Variants in TENM3 observed in about 807,000 individuals in gnomAD.
TENM3 encodes teneurin-3.
TENM3 carries 63 observed loss-of-function variants against 255.1 expected under a neutral mutation model. The ratio of observed to expected loss-of-function variants is 0.25; its 90% confidence interval spans 0.20 to 0.30. The LOEUF is 0.30. TENM3 is among the 10% of genes least tolerant of loss of function. TENM3 has a pLI of 1.00. For synonymous variants in TENM3, 1,306 were observed against 1,322.3 expected (o/e 0.99, Z 0.27); for missense variants, 2,929 against 3,461.1 (o/e 0.85, Z 3.86).
the TENM3 span, among the ~76,000 whole-genome samples, chr4:181,622,622 G>A: frequency 6.6e-6 from 1 of 152,168 alleles, no homozygotes; most frequent in Non-Finnish European, 1.5e-5. Context: ...GTTGCAGTGA[G>A]CTGAGATCGC....
At chr4:181,554,162 A>T in the TENM3 span, among the ~76,000 whole-genome samples, 2 of 152,214 alleles carry the variant, frequency 1.3e-5, no homozygotes, top group African/African-American at 4.8e-5. Context: ...GGAAAGGTAG[A>T]TGCTTTCCAT....
intron 3 of TENM3, among the ~76,000 whole-genome samples, chr4:182,594,691 TG>T (rs1299778070): frequency 7.6e-5 from 2 of 26,300 alleles, no homozygotes; most frequent in African/African-American, 1.5e-4. Flanking sequence ...TTGGTGTGTG[TG>T]TGTGTGTGTG....
the TENM3 span, among the ~76,000 whole-genome samples, chr4:181,499,421 C>A: frequency 6.6e-6 from 1 of 152,180 alleles, no homozygotes; most frequent in South Asian, 2.1e-4. Context: ...AGGGTTACAA[C>A]AGAGATTCTT....
At position 182,426,007 on chromosome 4, in the gene TENM3, C is replaced by CAAAAAAAAAAAAAAAAAAAA. The variant is rs55836889; in HGVS notation, c.511+79082_511+79101dup. Among the ~76,000 whole-genome samples, 316 of 90,696 alleles carry CAAAAAAAAAAAAAAAAAAAA rather than the reference C, an allele frequency of 3.5e-3. 7 individuals are homozygous for CAAAAAAAAAAAAAAAAAAAA. The highest frequency in any genetic ancestry group is 4.7e-3 in the Non-Finnish European group (211 of 45,352). The allele number at this position is 90,696 out of a possible 152,430, so 59.5% of individuals were successfully genotyped here. ...TAAGAGACAGAGCGAGAGTCCATGTCAAAAAAAAAAAAAAAAAAAAAAACA... is the reference window on the plus strand; with the variant it reads ...TAAGAGACAGAGCGAGAGTCCATGTCAAAAAAAAAAAAAAAAAAAAAAAAAAAAAAAAAAAAAAAAAAACA... On this transcript the variant is annotated intron_variant, in intron 3 of 27. Transcript: ENST00000511685.
At chr4:182,732,421 T>C (rs777873421) in intron 16 of TENM3, among the ~76,000 whole-genome samples, 1 of 152,246 alleles carries the variant, frequency 6.6e-6, no homozygotes, top group Non-Finnish European at 1.5e-5. Flanking sequence ...GAAATAGCCA[T>C]GCATTCCCCA....
intron 5 of TENM3, among the ~76,000 whole-genome samples, chr4:182,641,310 T>G (rs996315097): frequency 1.3e-5 from 2 of 152,220 alleles, no homozygotes; most frequent in Non-Finnish European, 2.9e-5. Flanking sequence ...TTGCCATGTT[T>G]TAATATACTG....
intron 3 of TENM3, among the ~76,000 whole-genome samples, chr4:182,373,241 G>A (rs937356591): frequency 6.6e-6 from 1 of 152,286 alleles, no homozygotes; most frequent in African/African-American, 2.4e-5. Flanking sequence ...TATGGAGAGT[G>A]CATGGAAAGC....
chr4:181,746,647 T>C, the TENM3 span, among the ~76,000 whole-genome samples: 1 of 152,158 alleles, frequency 6.6e-6, no homozygotes. Context: ...TAAGTATGAC[T>C]CTGCTTACTT....
intron 4 of TENM3, among the ~76,000 whole-genome samples, chr4:182,602,121 T>C (rs1747946732): frequency 6.6e-6 from 1 of 152,254 alleles, no homozygotes. Flanking sequence ...TAACAGTCAC[T>C]GTCTCCTTGT....
the TENM3 span, among the ~76,000 whole-genome samples, chr4:181,582,024 T>C: frequency 6.6e-6 from 1 of 152,190 alleles, no homozygotes; most frequent in Non-Finnish European, 1.5e-5. Context: ...TGAGACACTG[T>C]GCCTGGCCCC....
At chr4:181,585,003 C>A in the TENM3 span, among the ~76,000 whole-genome samples, 98 of 134,736 alleles carry the variant, frequency 7.3e-4, no homozygotes, top group Non-Finnish European at 7.7e-4. Context: ...TATCCAGTGG[C>A]AAAAAAAAAA....
chr4:181,762,108 T>C, the TENM3 span, among the ~76,000 whole-genome samples: 3 of 152,112 alleles, frequency 2.0e-5, no homozygotes, highest in African/African-American at 7.2e-5. Flanking sequence ...GAAGTTTTTC[T>C]CACAGAATTC....
intron 3 of TENM3, among the ~76,000 whole-genome samples, chr4:182,568,113 C>A (rs1041107118): frequency 6.6e-5 from 10 of 152,180 alleles, no homozygotes; most frequent in Admixed American, 1.3e-4. Flanking sequence ...GCACCTAATT[C>A]ATCAGCAAAT....
intron 1 of TENM3, among the ~76,000 whole-genome samples, chr4:182,207,215 C>G (rs532375388): frequency 6.6e-6 from 1 of 152,298 alleles, no homozygotes; most frequent in East Asian, 1.9e-4. Context: ...TGCGTGGAAT[C>G]TGAATCTTTG....
At chr4:181,603,469 GACA>G in the TENM3 span, among the ~76,000 whole-genome samples, 9 of 152,128 alleles carry the variant, frequency 5.9e-5, no homozygotes, top group Non-Finnish European at 1.5e-5. Flanking sequence ...AAGAAAGAAA[GACA>G]ACAATACCAT....
At chr4:182,653,555 CT>C (rs1453346496) in intron 5 of TENM3, among the ~76,000 whole-genome samples, 1 of 152,170 alleles carries the variant, frequency 6.6e-6, no homozygotes, top group Non-Finnish European at 1.5e-5. Flanking sequence ...TATTAAATCA[CT>C]ATTGAAGTGC....
chr4:182,156,233 G>GA (rs1189304692), intron 1 of TENM3, among the ~76,000 whole-genome samples: 1 of 152,096 alleles, frequency 6.6e-6, no homozygotes, highest in East Asian at 1.9e-4. Context: ...CTAATATGCA[G>GA]AAAAAAAGTC....
chr4:181,964,433 C>T, the TENM3 span, among the ~76,000 whole-genome samples: 5 of 152,084 alleles, frequency 3.3e-5, no homozygotes, highest in Non-Finnish European at 7.4e-5. Flanking sequence ...TTTTCATACA[C>T]GTTCTGTTTG....
the TENM3 span, among the ~76,000 whole-genome samples, chr4:181,826,895 C>T: frequency 1.6e-4 from 24 of 152,342 alleles, 1 homozygote; most frequent in South Asian, 5.0e-3. Flanking sequence ...TTCGTCCCCA[C>T]TGAAAGTGGA....
Sources: allele counts gnomAD v4.1 joint callset (sites outside exome capture counted in the v4.1 genomes callset), GRCh38; gene constraint gnomAD v4.1.1; transcripts MANE v1.5; gene names NCBI Gene and HGNC (gene_info 2026-07-23, HGNC 2026-07-21).